HHAT: variants seen among roughly 807,000 people sequenced by gnomAD.
HHAT encodes the protein hedgehog acyltransferase, also known as protein-cysteine N-palmitoyltransferase HHAT.
HHAT carries 47 observed loss-of-function variants against 70.8 expected under a neutral mutation model. The observed-to-expected ratio is 0.66, with a 90% confidence interval of 0.53 to 0.85. HHAT has a LOEUF of 0.85. Ranked by LOEUF, HHAT falls within the 40% of genes least tolerant of loss-of-function variation. HHAT has a pLI of 0.00. For missense variants in HHAT, 609 were observed against 604.8 expected (o/e 1.01, Z -0.07); for synonymous variants, 228 against 247.6 (o/e 0.92, Z 0.74).
intron 7 of HHAT, among the ~76,000 whole-genome samples, chr1:210,456,338 C>T (rs900184865): frequency 2.0e-5 from 3 of 152,122 alleles, no homozygotes; most frequent in Admixed American, 6.5e-5. Context: ...CTGGTTTGGT[C>T]TTACTTACTC....
chr1:210,329,026 G>T lies in HHAT; in HGVS notation c.-122G>T, dbSNP rs539377147. The T allele has an allele frequency of 7.1e-7, 1 of 1,418,106 alleles. No individual in the cohort carries two copies. The highest frequency in any genetic ancestry group is 1.5e-5 in the South Asian group (1 of 67,310). 87.8% of individuals were successfully genotyped at this position (1,418,106 alleles called of 1,614,324 possible). ...GCCGCCGCCGATGTCGCTGGGACTC[G>T]GAAGTGCCGAAAGAGGGGTGTTGGG... On this transcript the variant is annotated 5_prime_UTR_variant, in exon 1 of 12. An upstream open reading frame in the 5' UTR gains an earlier in-frame stop. Coordinates refer to ENST00000261458, the MANE Select transcript of HHAT (RefSeq NM_018194.6).
chr1:210,544,111 A>G (rs2095458518), intron 9 of HHAT, among the ~76,000 whole-genome samples: 1 of 152,184 alleles, frequency 6.6e-6, no homozygotes, highest in African/African-American at 2.4e-5. Context: ...ATTTTCTGCA[A>G]CAGATGGAGA....
chr1:210,445,040 A>G (rs879059499), intron 7 of HHAT, among the ~76,000 whole-genome samples: 3 of 152,022 alleles, frequency 2.0e-5, no homozygotes, highest in Admixed American at 2.0e-4. Context: ...GGGTTTCACC[A>G]TGTTGGTCAG....
At chr1:210,376,014 ATTT>A (rs57707354) in intron 3 of HHAT, among the ~76,000 whole-genome samples, 68 of 108,876 alleles carry the variant, frequency 6.2e-4, no homozygotes, top group East Asian at 3.4e-3. Context: ...TGCACAGCTA[ATTT>A]TTTTTTTTTT....
rs569883412 is a variant in HHAT at position 210,627,740 on chromosome 1, TA to T, written c.1390+4078del. On this transcript the variant is annotated intron_variant, in intron 11 of 11. Coordinates refer to ENST00000261458, the MANE Select transcript of HHAT (RefSeq NM_018194.6). Reference sequence around the variant, plus strand: ...AAATAAGGAATCTATGTTTTTGCTTTAAAAAAAACTCCAAATTTTTAATATT... The same window carrying T: ...AAATAAGGAATCTATGTTTTTGCTTTAAAAAAACTCCAAATTTTTAATATT... 2.6e-5 allele frequency among the ~76,000 whole-genome samples: 4 copies of T among 152,158 alleles called. No homozygotes were observed. In the East Asian group the frequency reaches 5.8e-4, roughly 22 times the overall value.
At chr1:210,404,402 G>C in intron 5 of HHAT, 62 bp from the exon 6 acceptor site, 1 of 1,327,678 alleles carries the variant, frequency 7.5e-7, no homozygotes, top group South Asian at 1.2e-5. Flanking sequence ...AGCACCTGCA[G>C]TGGGACTGGA....
intron 8 of HHAT, among the ~76,000 whole-genome samples, chr1:210,507,366 T>C (rs539157549): frequency 2.0e-5 from 3 of 148,228 alleles, no homozygotes; most frequent in African/African-American, 4.9e-5. Context: ...TTTCTTTTTT[T>C]TTTTTTTTTT....
chr1:210,605,538 A>G (rs540113694), intron 10 of HHAT, among the ~76,000 whole-genome samples: 3 of 152,316 alleles, frequency 2.0e-5, no homozygotes, highest in Admixed American at 6.5e-5. Flanking sequence ...TGGTCCGACT[A>G]AAAAGGGAAT....
At chr1:210,461,084 A>G (rs555882889) in intron 7 of HHAT, among the ~76,000 whole-genome samples, 1 of 152,210 alleles carries the variant, frequency 6.6e-6, no homozygotes, top group African/African-American at 2.4e-5. Flanking sequence ...AAATAGTAAA[A>G]TGTAATATTT....
intron 3 of HHAT, among the ~76,000 whole-genome samples, chr1:210,367,331 A>T (rs75395146): frequency 0.19 from 28,621 of 152,088 alleles, 2,731 homozygotes; most frequent in African/African-American, 0.22. Context: ...TAACTGCAGG[A>T]AAGAGTGAAG....
At chr1:210,399,026 A>T (rs1391198137) in intron 4 of HHAT, among the ~76,000 whole-genome samples, 1 of 152,216 alleles carries the variant, frequency 6.6e-6, no homozygotes, top group Non-Finnish European at 1.5e-5. Flanking sequence ...TTAGCATCAA[A>T]GCACGGGATT....
chr1:210,382,960 G>C (rs1032616063), intron 3 of HHAT, among the ~76,000 whole-genome samples: 4 of 152,134 alleles, frequency 2.6e-5, no homozygotes, highest in African/African-American at 9.7e-5. Context: ...TACTAGGTTT[G>C]GATAAATAAT....
intron 11 of HHAT, among the ~76,000 whole-genome samples, chr1:210,649,637 C>T (rs1029352036): frequency 2.0e-5 from 3 of 152,238 alleles, no homozygotes; most frequent in African/African-American, 7.2e-5. Flanking sequence ...GCAGGAGCCA[C>T]ATGGAGATCA....
intron 8 of HHAT, among the ~76,000 whole-genome samples, chr1:210,468,688 G>A (rs2148452439): frequency 6.6e-6 from 1 of 152,248 alleles, no homozygotes; most frequent in Non-Finnish European, 1.5e-5. Flanking sequence ...CAAACTGCTG[G>A]CTTTGCATTA....
At chr1:210,370,496 AAAT>A (rs1200658054) in intron 3 of HHAT, among the ~76,000 whole-genome samples, 6 of 151,910 alleles carry the variant, frequency 3.9e-5, no homozygotes, top group South Asian at 2.1e-4. Context: ...TTAATGAAAC[AAAT>A]AATATTTCCC....
intron 7 of HHAT, among the ~76,000 whole-genome samples, chr1:210,449,031 TAC>T (rs1038733190): frequency 2.0e-5 from 3 of 152,004 alleles, no homozygotes; most frequent in East Asian, 1.9e-4. Flanking sequence ...TCTTAATTTG[TAC>T]ACACACACCA....
intron 1 of HHAT, among the ~76,000 whole-genome samples, chr1:210,344,375 A>G (rs2086317784): frequency 6.6e-6 from 1 of 152,024 alleles, no homozygotes; most frequent in Admixed American, 6.6e-5. Context: ...CATTCTCGCT[A>G]TGTCTGCAGG....
intron 3 of HHAT, among the ~76,000 whole-genome samples, chr1:210,380,566 T>G (rs2090555341): frequency 6.6e-6 from 1 of 151,882 alleles, no homozygotes; most frequent in Admixed American, 6.6e-5. Flanking sequence ...AAAATAAAAT[T>G]TTAAAAAGCA....
At position 210,336,287 on chromosome 1, in the gene HHAT, A is replaced by ATTTTTTTTTTTTTT. The variant is rs541795412; in HGVS notation, c.-44+7193_-44+7206dup. Among the ~76,000 whole-genome samples, 23 of 84,604 alleles carry ATTTTTTTTTTTTTT rather than the reference A, an allele frequency of 2.7e-4. 1 individual carries two copies. The highest frequency in any genetic ancestry group is 5.4e-4 in the African/African-American group (12 of 22,098). The allele number at this position is 84,604 out of a possible 152,430, so 55.5% of individuals were successfully genotyped here. A position where few individuals can be genotyped will look rare whatever the true frequency, so the allele number is the denominator to read the frequency against. ...AGGCATGCACCACTGTGCCTGGCTA[A>ATTTTTTTTTTTTTT]TTTTTTTTTTTTTTTTTTTTTTTAG... On this transcript the variant is annotated intron_variant, in intron 1 of 11. Coordinates refer to ENST00000261458, the MANE Select transcript of HHAT (RefSeq NM_018194.6).
Sources: allele counts gnomAD v4.1 joint callset (sites outside exome capture counted in the v4.1 genomes callset), GRCh38; gene constraint gnomAD v4.1.1; transcripts MANE v1.5; gene names NCBI Gene and HGNC (gene_info 2026-07-23, HGNC 2026-07-21).